TRPS1: variants seen among roughly 807,000 people sequenced by gnomAD.
TRPS1 encodes transcriptional repressor GATA binding 1, also known as zinc finger transcription factor Trps1.
In TRPS1, 6 loss-of-function variants were observed where a neutral mutation model predicts 101.2. The ratio of observed to expected loss-of-function variants is 0.06; its 90% CI spans 0.03 to 0.12. The LOEUF (loss-of-function observed/expected upper bound fraction) is 0.12, where lower values mean the gene tolerates loss of function less well. Ranked by LOEUF, TRPS1 falls within the 10% of genes least tolerant of loss-of-function variation. The pLI, the probability that TRPS1 is intolerant of heterozygous loss-of-function variation, is 1.00. For synonymous variants in TRPS1, 578 were observed against 589.8 expected, an observed-to-expected ratio of 0.98 and a Z score of 0.29; for missense variants, 1,363 against 1,567.0, an observed-to-expected ratio of 0.87 and a Z score of 2.20.
intron 5 of TRPS1, among the ~76,000 whole-genome samples, chr8:115,528,150 C>A (rs1399170547): frequency 6.6e-6 from 1 of 151,986 alleles, no homozygotes; most frequent in African/African-American, 2.4e-5. Context: ...CTGATACAAC[C>A]TTTCTGGGAA....
At chr8:115,475,152 T>C (rs1173899836) in intron 5 of TRPS1, among the ~76,000 whole-genome samples, 1 of 151,606 alleles carries the variant, frequency 6.6e-6, no homozygotes, top group African/African-American at 2.4e-5. Flanking sequence ...TTTTATAAAC[T>C]TTTCTTGCCA....
intron 5 of TRPS1, among the ~76,000 whole-genome samples, chr8:115,482,760 GC>G (rs1401110746): frequency 1.1e-4 from 16 of 152,244 alleles, no homozygotes; most frequent in Admixed American, 3.9e-4. Context: ...CATGGTTACA[GC>G]AACAAAAGAA....
intron 5 of TRPS1, among the ~76,000 whole-genome samples, chr8:115,459,978 T>A (rs1162963563): frequency 6.6e-6 from 1 of 152,184 alleles, no homozygotes; most frequent in African/African-American, 2.4e-5. Context: ...TATATAATAA[T>A]ATACTTCGAT....
At chr8:115,426,848 G>A (rs1325285907) in intron 5 of TRPS1, among the ~76,000 whole-genome samples, 1 of 152,106 alleles carries the variant, frequency 6.6e-6, no homozygotes, top group Non-Finnish European at 1.5e-5. Context: ...GATTTACGGT[G>A]AATTACTAAT....
chr8:115,541,858 C>G (rs1430717116), intron 5 of TRPS1, among the ~76,000 whole-genome samples: 1 of 152,130 alleles, frequency 6.6e-6, no homozygotes, highest in African/African-American at 2.4e-5. Flanking sequence ...TGCCAGAACC[C>G]TTATATCCAC....
At chr8:115,568,404 A>G (rs780230447) in intron 5 of TRPS1, among the ~76,000 whole-genome samples, 1 of 152,146 alleles carries the variant, frequency 6.6e-6, no homozygotes, top group Non-Finnish European at 1.5e-5. Context: ...AGCTTTATAC[A>G]TCAGCATTTT....
chr8:115,425,251 G>C (rs2129801284), intron 5 of TRPS1, among the ~76,000 whole-genome samples: 1 of 152,274 alleles, frequency 6.6e-6, no homozygotes, highest in East Asian at 1.9e-4. Context: ...GCATGTCTTT[G>C]CCTGCTTTAA....
At chr8:115,578,723 T>C (rs1184983635) in intron 5 of TRPS1, among the ~76,000 whole-genome samples, 1 of 152,122 alleles carries the variant, frequency 6.6e-6, no homozygotes. Context: ...GATGCCAAAA[T>C]ATGAACACGA....
chr8:115,577,191 CTGAG>C (rs918157475), intron 5 of TRPS1, among the ~76,000 whole-genome samples: 4 of 152,170 alleles, frequency 2.6e-5, no homozygotes, highest in Non-Finnish European at 4.4e-5. Flanking sequence ...AAGTCCCACT[CTGAG>C]TCTTTTTTTA....
intron 5 of TRPS1, among the ~76,000 whole-genome samples, chr8:115,440,676 C>T (rs1813571639): frequency 6.6e-6 from 1 of 152,108 alleles, no homozygotes; most frequent in Non-Finnish European, 1.5e-5. Flanking sequence ...GCTCTCCTTT[C>T]TTTTTATAAA....
chr8:115,513,457 A>G (rs1362045933), intron 5 of TRPS1, among the ~76,000 whole-genome samples: 1 of 151,716 alleles, frequency 6.6e-6, no homozygotes, highest in Non-Finnish European at 1.5e-5. Flanking sequence ...GAAGTAGACA[A>G]GAAGTGCCTT....
At chr8:115,532,650 T>C (rs999606067) in intron 5 of TRPS1, among the ~76,000 whole-genome samples, 1 of 152,142 alleles carries the variant, frequency 6.6e-6, no homozygotes, top group Admixed American at 6.5e-5. Flanking sequence ...ATAGAATTTA[T>C]ATTGAGACCA....
At chr8:115,543,959 A>G (rs1046737084) in intron 5 of TRPS1, among the ~76,000 whole-genome samples, 6 of 152,098 alleles carry the variant, frequency 3.9e-5, no homozygotes, top group Non-Finnish European at 5.9e-5. Flanking sequence ...AATATCCTAA[A>G]CATTAAGACA....
intron 5 of TRPS1, among the ~76,000 whole-genome samples, chr8:115,484,444 T>C (rs769437059): frequency 2.0e-5 from 3 of 152,294 alleles, no homozygotes; most frequent in Non-Finnish European, 4.4e-5. Context: ...GTAATAGCTA[T>C]AGTACTTAGA....
At chr8:115,631,504 C>T (rs755024540) in intron 1 of TRPS1, among the ~76,000 whole-genome samples, 1 of 151,902 alleles carries the variant, frequency 6.6e-6, no homozygotes, top group African/African-American at 2.4e-5. Flanking sequence ...GTGACTATTG[C>T]AGAGGAATAA....
intron 5 of TRPS1, among the ~76,000 whole-genome samples, chr8:115,469,703 AT>A (rs2130008946): frequency 6.6e-6 from 1 of 152,102 alleles, no homozygotes; most frequent in African/African-American, 2.4e-5. Flanking sequence ...TAATTTTTGT[AT>A]TTTTAGTAGA....
chr8:115,518,195 A>C (rs1815769075), intron 5 of TRPS1, among the ~76,000 whole-genome samples: 1 of 151,862 alleles, frequency 6.6e-6, no homozygotes, highest in African/African-American at 2.4e-5. Context: ...TTTGATGGGA[A>C]GTGTTTCCAA....
intron 5 of TRPS1, among the ~76,000 whole-genome samples, chr8:115,445,297 AGGCAACTTGCTTTAT>A (rs1185000284): frequency 6.6e-6 from 1 of 152,164 alleles, no homozygotes; most frequent in Admixed American, 6.6e-5. Flanking sequence ...AAGAAGCTTC[AGGCAACTTGCTTTAT>A]GTCTACTATG....
intron 5 of TRPS1, among the ~76,000 whole-genome samples, chr8:115,467,366 A>G (rs996218977): frequency 4.6e-5 from 7 of 152,136 alleles, no homozygotes; most frequent in Non-Finnish European, 8.8e-5. Context: ...TGTGTTGGAA[A>G]GAAATCAGTG....
Sources: allele counts gnomAD v4.1 joint callset (sites outside exome capture counted in the v4.1 genomes callset), GRCh38; gene constraint gnomAD v4.1.1; transcripts MANE v1.5; gene names NCBI Gene and HGNC (gene_info 2026-07-23, HGNC 2026-07-21).